The following RNASE1 variants were observed in gnomAD, a reference collection of about 807,000 sequenced individuals.
RNASE1 encodes the protein ribonuclease A family member 1, pancreatic.
For missense variants in RNASE1, 203 were observed against 201.0 expected (o/e 1.01, Z -0.06); for synonymous variants, 64 against 78.6 (o/e 0.81, Z 0.98).
chr14:20,802,040 A>G lies in RNASE1; in HGVS notation c.29T>C (p.Leu10Pro). The change falls in exon 2 of 2, where the codon CTC becomes CCC. Residue 10 changes from leucine to proline, a missense_variant. Leu to Pro is a moderately conservative substitution (Grantham distance 98). Transcript: ENST00000397967. ...CAGCAGTATCAGGACAAGCAGAAGGAGCCGGACAAGAGACTTCTCCAGAGC... is the reference window on the plus strand; with the variant it reads ...CAGCAGTATCAGGACAAGCAGAAGGGGCCGGACAAGAGACTTCTCCAGAGC... The part of the protein sequence containing the change: MALEKSLVR[L>P]LLLVLILLVL... 1.2e-6 allele frequency: 2 copies of G among 1,603,244 alleles called. No individual in the cohort carries two copies. Among genetic ancestry groups the G allele is most frequent in the South Asian group, 1.1e-5 (1 of 90,982 alleles).
In RNASE1 at chr14:20,801,583, C is replaced by G. The variant is rs763061287; in HGVS notation, c.*15G>C. 2 of 1,602,362 alleles carry G rather than the reference C, an allele frequency of 1.2e-6. No homozygotes were observed. Among genetic ancestry groups the G allele is most frequent in the Non-Finnish European group, 1.7e-6 (2 of 1,170,446 alleles). On this transcript the variant is annotated 3_prime_UTR_variant, in exon 2 of 2. Coordinates refer to ENST00000397967, the MANE Select transcript of RNASE1 (RefSeq NM_002933.5). ...GATGAGGTTGAGGGAGGTGGGGTATCTCGCTGCTCTGACCTTAGGTAGAGT... is the reference window on the plus strand; with the variant it reads ...GATGAGGTTGAGGGAGGTGGGGTATGTCGCTGCTCTGACCTTAGGTAGAGT...
At position 20,801,804 on chromosome 14, in the gene RNASE1, C is replaced by T; in HGVS notation, c.265G>A (p.Glu89Lys). Residue 89 changes from glutamate to lysine, a missense_variant, in exon 2 of 2, where the codon GAA becomes AAA. Coordinates refer to ENST00000397967, the MANE Select transcript of RNASE1 (RefSeq NM_002933.5). ...LVDVQNVCFQ[E>K]KVTCKNGQGN... Reference sequence around the variant, plus strand: ...TGCCCGTTCTTGCAGGTGACCTTTTCCTGGAAACAGACATTCTGGACATCT... The same window carrying T: ...TGCCCGTTCTTGCAGGTGACCTTTTTCTGGAAACAGACATTCTGGACATCT... 2 of 1,614,198 alleles carry T rather than the reference C, an allele frequency of 1.2e-6. No homozygotes were observed. Among genetic ancestry groups the T allele is most frequent in the Non-Finnish European group, 8.5e-7 (1 of 1,180,036 alleles).
In RNASE1 at chr14:20,801,836, G is replaced by A. The variant is rs777081326; in HGVS notation, c.233C>T (p.Pro78Leu). ...CKPVNTFVHE[P>L]LVDVQNVCFQ... is the part of the protein sequence containing the mutation. The stretch of plus-strand genomic sequence containing the variant: ...ACAGACATTCTGGACATCTACCAGG[G>A]GCTCGTGCACAAAGGTGTTCACTGG... The change falls in exon 2 of 2, where the codon CCC (proline) becomes CTC (leucine). Residue 78 changes from proline to leucine, a missense_variant. Transcript: ENST00000397967. 10 of 1,614,162 alleles carry A rather than the reference G, an allele frequency of 6.2e-6. No homozygotes were observed. The highest frequency in any genetic ancestry group is 2.2e-5 in the South Asian group (2 of 91,072).
intron 1 of RNASE1, among the ~76,000 whole-genome samples, 179 bp downstream of exon 1, chr14:20,802,618 G>A (rs1879455623): frequency 6.6e-6 from 1 of 152,174 alleles, no homozygotes; most frequent in Non-Finnish European, 1.5e-5. Flanking sequence ...TCCCATGGAT[G>A]CTCTGCAGCC....
rs527787691 is a variant in RNASE1 at position 20,801,837 on chromosome 14, G to T, written c.232C>A (p.Pro78Thr). The change falls in exon 2 of 2, where the codon CCC becomes ACC. Residue 78 changes from proline (P) to threonine (T), a missense_variant. Pro to Thr is a conservative substitution (Grantham distance 38). Transcript: ENST00000397967. ...CKPVNTFVHE[P>T]LVDVQNVCFQ... ...CAGACATTCTGGACATCTACCAGGGGCTCGTGCACAAAGGTGTTCACTGGT... is the reference window on the plus strand; with the variant it reads ...CAGACATTCTGGACATCTACCAGGGTCTCGTGCACAAAGGTGTTCACTGGT... 3 of 1,614,178 alleles carry T rather than the reference G, an allele frequency of 1.9e-6. No individual in the cohort carries two copies. Among genetic ancestry groups the T allele is most frequent in the East Asian group, 4.5e-5 (2 of 44,876 alleles).
Position 20,801,809 on chromosome 14 carries a change from A to G in RNASE1, c.260T>C (p.Phe87Ser), listed in dbSNP as rs1471323933. The stretch of plus-strand genomic sequence containing the variant: ...GTTCTTGCAGGTGACCTTTTCCTGG[A>G]AACAGACATTCTGGACATCTACCAG... ...EPLVDVQNVC[F>S]QEKVTCKNGQ... The change falls in exon 2 of 2, where the codon TTC (phenylalanine) becomes TCC (serine). Residue 87 changes from phenylalanine (F) to serine (S), a missense_variant. Physicochemically the swap from Phe to Ser is radical, Grantham distance 155. Transcript: ENST00000397967. The G allele has an allele frequency of 1.2e-6, 2 of 1,614,046 alleles. No homozygotes were observed. Among genetic ancestry groups the G allele is most frequent in the Admixed American group, 1.7e-5 (1 of 59,992 alleles).
chr14:20,802,110 G>A lies in RNASE1; in HGVS notation c.-25-17C>T, dbSNP rs1879433006. ...CAGAAAAGCCTAATTGAGAAAAGGA[G>A]AGAGAAGGAAAAGAGCCCTCTTAGA... On this transcript the variant is annotated splice_polypyrimidine_tract_variant and intron_variant, in intron 1 of 1. Coordinates refer to ENST00000397967, the MANE Select transcript of RNASE1 (RefSeq NM_002933.5). The A allele has an allele frequency of 6.9e-7, 1 of 1,454,104 alleles. No individual in the cohort carries two copies. Among genetic ancestry groups the A allele is most frequent in the South Asian group, 1.3e-5 (1 of 76,190 alleles). The allele number at this position is 1,454,104 out of a possible 1,614,324, so 90.1% of individuals were successfully genotyped here.
intron 1 of RNASE1, among the ~76,000 whole-genome samples, 198 bp downstream of exon 1, chr14:20,802,599 C>A (rs1485894707): frequency 6.6e-6 from 1 of 152,200 alleles, no homozygotes; most frequent in Non-Finnish European, 1.5e-5. Flanking sequence ...GAGGCTCCTT[C>A]TTCTCCAGTC....
chr14:20,802,476 G>A (rs1214538938), intron 1 of RNASE1: 1 of 171,434 alleles, frequency 5.8e-6, no homozygotes, highest in Non-Finnish European at 1.3e-5. Context: ...AGGGCCATGG[G>A]TGACAGAGCC....
chr14:20,802,738 C>G (rs1221212637), intron 1 of RNASE1, 59 bp downstream of exon 1: 3 of 152,264 alleles, frequency 2.0e-5, no homozygotes, highest in Non-Finnish European at 4.4e-5. Flanking sequence ...GGCCCTAGCT[C>G]CCTCTTCTGC....
chr14:20,801,944 T>C lies in RNASE1; in HGVS notation c.125A>G (p.Asp42Gly). The C allele has an allele frequency of 6.2e-7, 1 of 1,613,872 alleles. No individual in the cohort carries two copies. Among genetic ancestry groups the C allele is most frequent in the Non-Finnish European group, 8.5e-7 (1 of 1,179,902 alleles). ...RAKKFQRQHM[D>G]SDSSPSSSST... ...GCTGCTGCTGGGGGAACTGTCTGAG[T>C]CCATATGCTGCCGCTGGAATTTCTT... Residue 42 changes from aspartate (D) to glycine (G), a missense_variant, in exon 2 of 2, where the codon GAC becomes GGC. By Grantham distance (94) the Asp-to-Gly change is moderately conservative (BLOSUM62 -1). Coordinates refer to ENST00000397967, the MANE Select transcript of RNASE1 (RefSeq NM_002933.5).
At position 20,801,231 on chromosome 14, in the gene RNASE1, A is replaced by T. The variant is rs748098427; in HGVS notation, c.*367T>A. 110 of 221,698 alleles carry T rather than the reference A, an allele frequency of 5.0e-4. No individual in the cohort carries two copies. The highest frequency in any genetic ancestry group is 8.8e-4 in the Non-Finnish European group (97 of 109,970). 13.7% of individuals were successfully genotyped at this position (221,698 alleles called of 1,614,324 possible). On this transcript the variant is annotated 3_prime_UTR_variant, in exon 2 of 2. Coordinates refer to ENST00000397967, the MANE Select transcript of RNASE1 (RefSeq NM_002933.5). ...GAATTTTCTCAAGCCACTAAAATCCAAGTCAGAAGGGAAGGCATTTAATTA... is the reference window on the plus strand; with the variant it reads ...GAATTTTCTCAAGCCACTAAAATCCTAGTCAGAAGGGAAGGCATTTAATTA...
At position 20,801,490 on chromosome 14, in the gene RNASE1, TAGG is replaced by T. The variant is rs1464726266; in HGVS notation, c.*105_*107del. On this transcript the variant is annotated 3_prime_UTR_variant, in exon 2 of 2. Coordinates refer to ENST00000397967, the MANE Select transcript of RNASE1 (RefSeq NM_002933.5). ...GAAAGGGAAGCATGTGTGTGTTGAA[TAGG>T]AGCCCTAACTGTAGTTACTTCTTTC... The T allele has an allele frequency of 3.3e-6, 3 of 922,320 alleles. No individual in the cohort carries two copies. The highest frequency in any genetic ancestry group is 5.1e-6 in the Non-Finnish European group (3 of 588,358). The allele number at this position is 922,320 out of a possible 1,614,324, so 57.1% of individuals were successfully genotyped here.
Position 20,801,910 on chromosome 14 carries a change from G to A in RNASE1, c.159C>T (p.Tyr53=). 6.2e-7 allele frequency: 1 copy of A among 1,614,080 alleles called. No homozygotes were observed. The highest frequency in any genetic ancestry group is 1.1e-5 in the South Asian group (1 of 91,086). The change falls in exon 2 of 2, where the codon TAC becomes TAT. Residue 53 remains tyrosine, a synonymous_variant. Coordinates refer to ENST00000397967, the MANE Select transcript of RNASE1 (RefSeq NM_002933.5). Reference sequence around the variant, plus strand: ...TCCGGCGCCTCATCATTTGGTTACAGTAGGTGGAGCTGCTGCTGGGGGAAC... The same window carrying A: ...TCCGGCGCCTCATCATTTGGTTACAATAGGTGGAGCTGCTGCTGGGGGAAC... ...SDSSPSSSST[Y]CNQMMRRRNM... is the part of the protein sequence containing the mutation.
rs1879414218 is a variant in RNASE1, at chr14:20,801,868, C to G, written c.201G>C (p.Arg67=). The G allele has an allele frequency of 1.2e-6, 2 of 1,614,046 alleles. No individual in the cohort carries two copies. The highest frequency in any genetic ancestry group is 8.5e-7 in the Non-Finnish European group (1 of 1,180,042). Residue 67 remains arginine, a synonymous_variant, in exon 2 of 2, where the codon CGG becomes CGC. Coordinates refer to ENST00000397967, the MANE Select transcript of RNASE1 (RefSeq NM_002933.5). ...MMRRRNMTQG[R]CKPVNTFVHE... ...GCACAAAGGTGTTCACTGGTTTGCA[C>G]CGCCCCTGTGTCATATTCCGGCGCC...
chr14:20,802,157 T>C, intron 1 of RNASE1, 64 bp from the exon 2 acceptor site: 1 of 1,012,520 alleles, frequency 9.9e-7, no homozygotes, highest in South Asian at 1.7e-5. Flanking sequence ...AGCTCCCACC[T>C]ATGGCTTGCC....
rs1173088704 is a variant in RNASE1 at position 20,801,733 on chromosome 14, G to T, written c.336C>A (p.Cys112Ter). Reference sequence around the variant, plus strand: ...GGTACCTGGAGCCGTTTGTCAGGCGGCAGTCTGTGATGTGCATGCTGGAGT... The same window carrying T: ...GGTACCTGGAGCCGTTTGTCAGGCGTCAGTCTGTGATGTGCATGCTGGAGT... ...KSNSSMHITD[C>*]RLTNGSRYPN... is the part of the protein sequence containing the mutation. The change falls in exon 2 of 2, where the codon TGC becomes TGA. Residue 112 changes from cysteine to a stop codon, truncating the protein, a stop_gained. Coordinates refer to ENST00000397967, the MANE Select transcript of RNASE1 (RefSeq NM_002933.5). LOFTEE classifies it low-confidence loss of function (END_TRUNC). The T allele has an allele frequency of 1.2e-6, 2 of 1,614,208 alleles. No individual in the cohort carries two copies. Among genetic ancestry groups the T allele is most frequent in the Non-Finnish European group, 8.5e-7 (1 of 1,180,038 alleles).
At position 20,801,453 on chromosome 14, in the gene RNASE1, G is replaced by A. The variant is rs74034610; in HGVS notation, c.*145C>T. On this transcript the variant is annotated 3_prime_UTR_variant, in exon 2 of 2. Coordinates refer to ENST00000397967, the MANE Select transcript of RNASE1 (RefSeq NM_002933.5). ...CTCTTCACCCCCAAAATCACGCAGG[G>A]ATGGGACTCAGGAAAGGGAAGCATG... 7.6e-3 allele frequency: 5,307 copies of A among 701,878 alleles called. 199 individuals carry two copies. In the African/African-American group the frequency reaches 0.083, roughly 11 times the overall value. The allele number at this position is 701,878 out of a possible 1,614,324, so 43.5% of individuals were successfully genotyped here.
rs1210113453 is a variant in RNASE1, at chr14:20,801,267, C to T, written c.*331G>A. The stretch of plus-strand genomic sequence containing the variant: ...GAAGGCATTTAATTACTCCATTCAC[C>T]GTTCTCCAAAGTGAATCAGATTTAC... On this transcript the variant is annotated 3_prime_UTR_variant, in exon 2 of 2. Transcript: ENST00000397967. 1.0e-5 allele frequency: 3 copies of T among 287,568 alleles called. No individual in the cohort carries two copies. The highest frequency in any genetic ancestry group is 7.2e-5 in the South Asian group (1 of 13,976). 17.8% of individuals were successfully genotyped at this position (287,568 alleles called of 1,614,324 possible).
Sources: gnomAD v4.1 joint callset for allele counts (sites outside exome capture counted in the v4.1 genomes callset) on GRCh38, gnomAD v4.1.1 for gene constraint, MANE v1.5 for transcripts, NCBI Gene and HGNC (gene_info 2026-07-23, HGNC 2026-07-21) for gene names.